Variants in PCDHA3 observed in about 807,000 individuals in gnomAD.
PCDHA3 encodes protocadherin alpha 3.
A neutral mutation model predicts 62.2 loss-of-function variants in PCDHA3; 41 were observed. The ratio of observed to expected loss-of-function variants is 0.66; its 90% CI spans 0.51 to 0.86. PCDHA3 has a LOEUF of 0.86. Among genes scored for constraint, PCDHA3 ranks in the 40% least tolerant of loss-of-function variants. The pLI is 0.00. For synonymous variants in PCDHA3, 640 were observed against 555.4 expected (o/e 1.15, Z -2.14); for missense variants, 1,304 against 1,241.2 (o/e 1.05, Z -0.76).
At chr5:140,817,928 G>A (rs1216034362) in intron 1 of PCDHA3, among the ~76,000 whole-genome samples, 1 of 152,154 alleles carries the variant, frequency 6.6e-6, no homozygotes, top group Non-Finnish European at 1.5e-5. Flanking sequence ...CTTTTGAGAT[G>A]ATGGCTGTCA....
chr5:140,828,216 G>T, intron 1 of PCDHA3: 5 of 1,614,022 alleles, frequency 3.1e-6, no homozygotes, highest in Non-Finnish European at 4.2e-6. Context: ...GCCAAACACG[G>T]CACCTTCGTG....
chr5:140,844,744 G>C (rs1779527366), intron 1 of PCDHA3, among the ~76,000 whole-genome samples: 1 of 149,016 alleles, frequency 6.7e-6, no homozygotes, highest in Non-Finnish European at 1.5e-5. Flanking sequence ...TAGTATTATG[G>C]GATAAATCTT....
chr5:140,871,044 A>G, intron 1 of PCDHA3: 1 of 1,613,304 alleles, frequency 6.2e-7, no homozygotes, highest in Non-Finnish European at 8.5e-7. Flanking sequence ...ACCGACTTCT[A>G]GTACTGGTGA....
intron 1 of PCDHA3, among the ~76,000 whole-genome samples, chr5:140,833,632 C>T (rs1228908816): frequency 6.6e-6 from 1 of 152,104 alleles, no homozygotes; most frequent in Non-Finnish European, 1.5e-5. Context: ...ACTTCCTCCT[C>T]AAAAAGTTCA....
chr5:141,010,499 T>C lies in PCDHA3; in HGVS notation c.*562T>C. ...GTGTAAACTTAAAGGGACCAGACTTTCTAAATCTTACAACTCAAGAGGTGG... is the reference window on the plus strand; with the variant it reads ...GTGTAAACTTAAAGGGACCAGACTTCCTAAATCTTACAACTCAAGAGGTGG... On this transcript the variant is annotated 3_prime_UTR_variant, in exon 4 of 4. Coordinates refer to ENST00000522353, the MANE Select transcript of PCDHA3 (RefSeq NM_018906.3). 1.7e-6 allele frequency: 1 copy of C among 586,170 alleles called. No individual in the cohort carries two copies. Among genetic ancestry groups the C allele is most frequent in the Non-Finnish European group, 2.7e-6 (1 of 372,458 alleles). 36.3% of individuals were successfully genotyped at this position (586,170 alleles called of 1,614,324 possible).
At chr5:140,808,620 C>T (rs1554124661) in intron 1 of PCDHA3, 1 of 1,613,738 alleles carries the variant, frequency 6.2e-7, no homozygotes, top group Admixed American at 1.7e-5. Context: ...TTCACTGTGT[C>T]TGCGTGGGAC....
At chr5:140,911,654 T>C (rs1554194855) in intron 1 of PCDHA3, among the ~76,000 whole-genome samples, 1 of 152,218 alleles carries the variant, frequency 6.6e-6, no homozygotes, top group Non-Finnish European at 1.5e-5. Flanking sequence ...ATAGAGTTAC[T>C]AAACTCCTTG....
At chr5:140,897,130 C>A (rs913808184) in intron 1 of PCDHA3, among the ~76,000 whole-genome samples, 11 of 152,118 alleles carry the variant, frequency 7.2e-5, no homozygotes, top group Non-Finnish European at 5.9e-5. Flanking sequence ...CCCCACTAAA[C>A]TTTCTAGCCT....
At chr5:140,924,898 AAAAAAAAT>A (rs781900915) in intron 1 of PCDHA3, among the ~76,000 whole-genome samples, 16 of 53,028 alleles carry the variant, frequency 3.0e-4, no homozygotes, top group Non-Finnish European at 6.0e-4. Context: ...CTGTCTCAAA[AAAAAAAAT>A]AAAATAAAAT....
chr5:140,850,140 G>C (rs2150469344), intron 1 of PCDHA3: 2 of 1,595,708 alleles, frequency 1.3e-6, no homozygotes, highest in East Asian at 2.2e-5. Flanking sequence ...GGGCAGCAAC[G>C]TGACGCTGCA....
chr5:140,876,970 G>C, intron 1 of PCDHA3: 1 of 1,612,850 alleles, frequency 6.2e-7, no homozygotes. Context: ...GCGGCGGGTG[G>C]GCGAGCACGC....
intron 1 of PCDHA3, among the ~76,000 whole-genome samples, chr5:140,820,259 C>T (rs1766721633): frequency 6.6e-6 from 1 of 151,944 alleles, no homozygotes; most frequent in African/African-American, 2.4e-5. Context: ...TATAAGGGAA[C>T]TGGTAAATAT....
intron 1 of PCDHA3, chr5:140,863,233 C>A (rs2047882202): frequency 1.6e-6 from 2 of 1,240,300 alleles, no homozygotes; most frequent in South Asian, 1.2e-5. Flanking sequence ...GGTCCCATCG[C>A]GGGCTTTGGC....
chr5:140,823,877 T>C (rs1554129642), intron 1 of PCDHA3: 1 of 1,613,762 alleles, frequency 6.2e-7, no homozygotes, highest in African/African-American at 1.3e-5. Context: ...TACCTGATCA[T>C]CGCCATCTGT....
rs144735555 is a variant in PCDHA3 at position 140,884,569 on chromosome 5, G to C, written c.2394+80978G>C. The stretch of plus-strand genomic sequence containing the variant: ...GCTCTGGGGAGGGCCCGCATAAGAC[G>C]GACCTCATGGCCTTCAGTCCCAGCC... On this transcript the variant is annotated intron_variant, in intron 1 of 3. Transcript: ENST00000522353. 7 of 1,614,008 alleles carry C rather than the reference G, an allele frequency of 4.3e-6. No individual in the cohort carries two copies. In the African/African-American group the frequency reaches 8.0e-5, roughly 18 times the overall value.
At chr5:140,882,016 A>T in intron 1 of PCDHA3, 1 of 543,846 alleles carries the variant, frequency 1.8e-6, no homozygotes, top group Non-Finnish European at 3.0e-6. Context: ...AAAAAATACT[A>T]CATCAATGGA....
At chr5:140,877,816 GATT>G (rs2057354449) in intron 1 of PCDHA3, 1 of 1,609,196 alleles carries the variant, frequency 6.2e-7, no homozygotes, top group East Asian at 2.2e-5. Flanking sequence ...GTCTCGAGAA[GATT>G]GTTTAAATCC....
chr5:140,990,280 G>C (rs1224210562), intron 3 of PCDHA3, among the ~76,000 whole-genome samples: 1 of 152,264 alleles, frequency 6.6e-6, no homozygotes, highest in African/African-American at 2.4e-5. Context: ...CCCGGGTCTT[G>C]AGATTATCGA....
In PCDHA3 at chr5:140,843,290, C is replaced by A. The variant is rs2150356540; in HGVS notation, c.2394+39699C>A. On this transcript the variant is annotated intron_variant, in intron 1 of 3. Transcript: ENST00000522353. Reference sequence around the variant, plus strand: ...GGTCCTGGTGAAGGATCATGGTGAACCTGCGCTGACCGCCACGGCCACGGT... The same window carrying A: ...GGTCCTGGTGAAGGATCATGGTGAAACTGCGCTGACCGCCACGGCCACGGT... The A allele has an allele frequency of 1.2e-4, 199 of 1,595,966 alleles. 7 individuals carry two copies. The East Asian group carries it at 4.2e-3, about 34-fold the overall frequency.
Sources: gnomAD v4.1 joint callset for allele counts (sites outside exome capture counted in the v4.1 genomes callset) on GRCh38, gnomAD v4.1.1 for gene constraint, MANE v1.5 for transcripts, NCBI Gene and HGNC (gene_info 2026-07-23, HGNC 2026-07-21) for gene names.